WDFY2: variants seen among roughly 807,000 people sequenced by gnomAD.
The protein encoded by WDFY2 is WD repeat and FYVE domain-containing protein 2.
In WDFY2, 36 loss-of-function variants were observed where a neutral mutation model predicts 56.4. The observed-to-expected ratio is 0.64, with a 90% CI of 0.49 to 0.84. WDFY2 has a LOEUF of 0.84. Among genes scored for constraint, WDFY2 ranks in the 40% least tolerant of loss-of-function variants. WDFY2 has a pLI of 0.00. For missense variants in WDFY2, 444 were observed against 512.2 expected (o/e 0.87, Z 1.29); for synonymous variants, 176 against 183.7 (o/e 0.96, Z 0.34).
chr13:51,691,272 A>G (rs1414213350), intron 3 of WDFY2, among the ~76,000 whole-genome samples: 4 of 151,898 alleles, frequency 2.6e-5, no homozygotes, highest in Admixed American at 2.6e-4. Context: ...GTCCTTGCCC[A>G]TGCCTATGTC....
At chr13:51,739,378 A>G (rs1362819153) in intron 7 of WDFY2, among the ~76,000 whole-genome samples, 1 of 152,208 alleles carries the variant, frequency 6.6e-6, no homozygotes, top group East Asian at 1.9e-4. Flanking sequence ...AGAGCATTTG[A>G]GAGTGCTTAC....
chr13:51,735,658 G>GCCTA (rs1053879802), intron 6 of WDFY2, among the ~76,000 whole-genome samples: 10 of 152,162 alleles, frequency 6.6e-5, no homozygotes, highest in Non-Finnish European at 1.0e-4. Flanking sequence ...TATCTGCTGA[G>GCCTA]CCTAGCACAG....
chr13:51,728,921 C>T (rs1023862365), intron 6 of WDFY2, among the ~76,000 whole-genome samples: 4 of 152,300 alleles, frequency 2.6e-5, no homozygotes, highest in Admixed American at 2.6e-4. Context: ...TTCTGTGCGT[C>T]ACTGCAGACT....
intron 3 of WDFY2, among the ~76,000 whole-genome samples, chr13:51,687,615 TAA>T (rs768546432): frequency 1.8e-4 from 25 of 140,492 alleles, no homozygotes; most frequent in Admixed American, 2.1e-4. Flanking sequence ...TGACTTGAGC[TAA>T]AAAAAAAAAA....
At chr13:51,717,701 A>G (rs1357413798) in intron 4 of WDFY2, among the ~76,000 whole-genome samples, 1 of 152,144 alleles carries the variant, frequency 6.6e-6, no homozygotes, top group Non-Finnish European at 1.5e-5. Flanking sequence ...AAAGATCTTC[A>G]CGAGTTTCTC....
At chr13:51,725,752 G>A (rs919762498) in intron 5 of WDFY2, among the ~76,000 whole-genome samples, 6 of 150,860 alleles carry the variant, frequency 4.0e-5, no homozygotes, top group South Asian at 2.1e-4. Context: ...GGAGTGCAGC[G>A]GCTTGAACAT....
At chr13:51,698,870 T>G (rs1156759616) in intron 3 of WDFY2, among the ~76,000 whole-genome samples, 1 of 152,176 alleles carries the variant, frequency 6.6e-6, no homozygotes, top group Non-Finnish European at 1.5e-5. Flanking sequence ...AGGCAGACTA[T>G]TAGGAGAGAA....
chr13:51,685,343 A>AT (rs1479588232), intron 3 of WDFY2, among the ~76,000 whole-genome samples: 2 of 152,214 alleles, frequency 1.3e-5, no homozygotes, highest in Non-Finnish European at 2.9e-5. Context: ...CCTTTGAACA[A>AT]TGTGGGGGTT....
At chr13:51,618,651 T>G (rs531311634) in intron 1 of WDFY2, among the ~76,000 whole-genome samples, 72 of 152,346 alleles carry the variant, frequency 4.7e-4, no homozygotes, top group African/African-American at 1.7e-3. Context: ...TTGTATAAGG[T>G]GAGCCTACCT....
intron 11 of WDFY2, among the ~76,000 whole-genome samples, chr13:51,758,566 A>G (rs1313771256): frequency 6.6e-6 from 1 of 151,964 alleles, no homozygotes; most frequent in South Asian, 2.1e-4. Context: ...AAAAAAAAAA[A>G]AAAAAAGTTA....
At chr13:51,614,372 G>A (rs1304791882) in intron 1 of WDFY2, among the ~76,000 whole-genome samples, 1 of 152,162 alleles carries the variant, frequency 6.6e-6, no homozygotes, top group Non-Finnish European at 1.5e-5. Flanking sequence ...GCAACGAACA[G>A]AAAACCTGAC....
At chr13:51,727,376 A>G (rs1952626662) in intron 5 of WDFY2, among the ~76,000 whole-genome samples, 1 of 152,028 alleles carries the variant, frequency 6.6e-6, no homozygotes, top group Admixed American at 6.6e-5. Context: ...CTTTTTGCTT[A>G]TTTATTTTTC....
At chr13:51,695,600 G>C (rs1167011136) in intron 3 of WDFY2, among the ~76,000 whole-genome samples, 1 of 152,202 alleles carries the variant, frequency 6.6e-6, no homozygotes, top group East Asian at 1.9e-4. Flanking sequence ...CTACTGGGGG[G>C]TGCCTCCCAG....
chr13:51,751,426 C>T lies in WDFY2; in HGVS notation c.831+11C>T, dbSNP rs1250593046. 3 of 1,613,300 alleles carry T rather than the reference C, an allele frequency of 1.9e-6. No homozygotes were observed. Among genetic ancestry groups the T allele is most frequent in the Non-Finnish European group, 2.5e-6 (3 of 1,179,354 alleles). ...GTGGAGAGGCAGGAGGTAGGTGGCA[C>T]AGCAGGGTGGGGTGGGCCCTGTGGT... On this transcript the variant is annotated intron_variant, in intron 8 of 11. Coordinates refer to ENST00000298125, the MANE Select transcript of WDFY2 (RefSeq NM_052950.4).
At chr13:51,716,238 A>G (rs1593444205) in intron 4 of WDFY2, among the ~76,000 whole-genome samples, 1 of 152,344 alleles carries the variant, frequency 6.6e-6, no homozygotes, top group South Asian at 2.1e-4. Flanking sequence ...AGTTGGGAAT[A>G]TAGAGTTTCA....
chr13:51,705,741 C>T (rs1457896679), intron 4 of WDFY2, among the ~76,000 whole-genome samples: 1 of 152,076 alleles, frequency 6.6e-6, no homozygotes, highest in Admixed American at 6.5e-5. Context: ...TCCAATTATA[C>T]TCTTTTAGTT....
In WDFY2 at chr13:51,610,911, C is replaced by T. The variant is rs141912163; in HGVS notation, c.137+26087C>T. On this transcript the variant is annotated intron_variant, in intron 1 of 11. Transcript: ENST00000298125. ...GAGAAACAGAGGAATTTGAGTAACT[C>T]ATCCTTTGCTCTGTTGGTGATCACC... is the stretch of plus-strand genomic sequence containing the variant. Among the ~76,000 whole-genome samples the T allele has an allele frequency of 5.4e-3, 826 of 152,320 alleles. 5 individuals are homozygous for T. The highest frequency in any genetic ancestry group is 7.2e-3 in the Non-Finnish European group (492 of 68,038).
At chr13:51,728,838 C>G (rs1952659900) in intron 6 of WDFY2, among the ~76,000 whole-genome samples, 1 of 152,170 alleles carries the variant, frequency 6.6e-6, no homozygotes, top group African/African-American at 2.4e-5. Context: ...ACACCCTCAC[C>G]TACACTTTGG....
intron 5 of WDFY2, among the ~76,000 whole-genome samples, chr13:51,721,641 C>G (rs538196674): frequency 7.9e-5 from 12 of 151,982 alleles, no homozygotes; most frequent in Admixed American, 2.0e-4. Context: ...GGTTTCAGTT[C>G]CATCCAGCCA....
Sources: allele counts gnomAD v4.1 joint callset (sites outside exome capture counted in the v4.1 genomes callset), GRCh38; gene constraint gnomAD v4.1.1; transcripts MANE v1.5; gene names NCBI Gene and HGNC (gene_info 2026-07-23, HGNC 2026-07-21).